RPGRIP1L: variants seen among roughly 807,000 people sequenced by gnomAD.
The protein encoded by RPGRIP1L is RPGRIP1 like, also known as protein fantom.
Under a neutral mutation model 160.4 loss-of-function variants are expected in RPGRIP1L, and 131 were observed. The observed-to-expected ratio is 0.82, with a 90% CI of 0.71 to 0.94. The LOEUF (loss-of-function observed/expected upper bound fraction) is 0.94, where lower values mean the gene tolerates loss of function less well. RPGRIP1L is among the 40% of genes least tolerant of loss of function. The pLI, the probability that RPGRIP1L is intolerant of heterozygous loss-of-function variation, is 0.00. For missense variants in RPGRIP1L, 1,522 were observed against 1,535.8 expected (o/e 0.99, Z 0.15); for synonymous variants, 510 against 515.8 (o/e 0.99, Z 0.15).
intron 19 of RPGRIP1L, among the ~76,000 whole-genome samples, chr16:53,640,396 G>A (rs377639112): frequency 3.3e-5 from 5 of 152,172 alleles, no homozygotes; most frequent in Admixed American, 6.6e-5. Flanking sequence ...AAGTGTCAGC[G>A]TATAGATGCT....
chr16:53,641,194 A>T (rs770896100), intron 18 of RPGRIP1L, 78 bp from the exon 19 acceptor site: 68 of 1,442,654 alleles, frequency 4.7e-5, no homozygotes, highest in South Asian at 1.4e-4. Flanking sequence ...TATTATTATT[A>T]TTTTTTTTTG....
At chr16:53,695,050 C>A in intron 3 of RPGRIP1L, 1 of 383,802 alleles carries the variant, frequency 2.6e-6, no homozygotes, top group Non-Finnish European at 4.7e-6. Flanking sequence ...TAGCTCAGTC[C>A]TTTTCCCATT....
chr16:53,677,141 T>A (rs1355488210), intron 6 of RPGRIP1L, among the ~76,000 whole-genome samples: 1 of 152,070 alleles, frequency 6.6e-6, no homozygotes, highest in Non-Finnish European at 1.5e-5. Flanking sequence ...TTCCTGAATA[T>A]TTTCCTAAAC....
At chr16:53,702,235 G>T (rs908725508) in intron 1 of RPGRIP1L, among the ~76,000 whole-genome samples, 2 of 152,192 alleles carry the variant, frequency 1.3e-5, no homozygotes, top group South Asian at 4.1e-4. Flanking sequence ...CTGAGACACA[G>T]ATTAGTTAAC....
intron 10 of RPGRIP1L, among the ~76,000 whole-genome samples, chr16:53,663,992 T>C (rs1163501993): frequency 6.6e-6 from 1 of 152,180 alleles, no homozygotes; most frequent in Non-Finnish European, 1.5e-5. Flanking sequence ...ACGTAACTGT[T>C]TTTTAGTGAG....
At chr16:53,653,280 G>C (rs1042498726) in intron 14 of RPGRIP1L, 1 of 972,318 alleles carries the variant, frequency 1.0e-6, no homozygotes, top group African/African-American at 1.8e-5. Flanking sequence ...GAACAGCTGA[G>C]ATAACTACCT....
At chr16:53,668,395 A>G (rs993544856) in intron 9 of RPGRIP1L, among the ~76,000 whole-genome samples, 2 of 152,158 alleles carry the variant, frequency 1.3e-5, no homozygotes, top group African/African-American at 4.8e-5. Flanking sequence ...TATCATCTTA[A>G]AAACTAGATG....
At chr16:53,692,942 T>A (rs1010563767) in intron 3 of RPGRIP1L, among the ~76,000 whole-genome samples, 4 of 152,238 alleles carry the variant, frequency 2.6e-5, no homozygotes, top group African/African-American at 9.6e-5. Context: ...ACACTTGTGT[T>A]TAATGGTAAA....
At chr16:53,662,971 T>C (rs1403139304) in intron 10 of RPGRIP1L, among the ~76,000 whole-genome samples, 1 of 152,078 alleles carries the variant, frequency 6.6e-6, no homozygotes, top group Non-Finnish European at 1.5e-5. Context: ...ACAGCCATTA[T>C]AAATGATTGT....
rs746337296 is a variant in RPGRIP1L at position 53,658,837 on chromosome 16, A to G, written c.1285T>C (p.Leu429=). 1.2e-6 allele frequency: 2 copies of G among 1,608,434 alleles called. No homozygotes were observed. The highest frequency in any genetic ancestry group is 2.2e-5 in the South Asian group (2 of 90,376). Residue 429 remains leucine (L), a synonymous_variant, in exon 11 of 27, where the codon TTA becomes CTA. Transcript: ENST00000647211. The part of the protein sequence containing the change: ...KLVQENRELQ[L]QYLEQKQQLD... ...TGTTGCTTTTGTTCCAGATACTGTA[A>G]CTGTAGTTCTCTATTCTCTTGAACG...
chr16:53,634,694 C>T (rs898249691), intron 22 of RPGRIP1L, among the ~76,000 whole-genome samples: 1 of 152,188 alleles, frequency 6.6e-6, no homozygotes, highest in African/African-American at 2.4e-5. Context: ...TCTACACATG[C>T]TCTAGCTCCC....
rs1965972532 is a variant in RPGRIP1L, at chr16:53,638,367, C to T, written c.3003G>A (p.Glu1001=). 1.9e-6 allele frequency: 3 copies of T among 1,600,254 alleles called. No individual in the cohort carries two copies. The highest frequency in any genetic ancestry group is 2.6e-6 in the Non-Finnish European group (3 of 1,168,138). Reference sequence around the variant, plus strand: ...TTTCTATTTCTGGTATATGCTCTACCTCTGGTGAAATTTCCTTCCTATCTT... The same window carrying T: ...TTTCTATTTCTGGTATATGCTCTACTTCTGGTGAAATTTCCTTCCTATCTT... ...PPEDRKEISP[E]VEHIPEIEIN... Residue 1001 remains glutamate (E), a synonymous_variant, in exon 20 of 27, where the codon GAG becomes GAA. Transcript: ENST00000647211.
intron 6 of RPGRIP1L, among the ~76,000 whole-genome samples, chr16:53,675,854 T>C (rs181776415): frequency 1.2e-4 from 19 of 152,314 alleles, no homozygotes; most frequent in Admixed American, 7.2e-4. Flanking sequence ...AGGTTAATCA[T>C]AGATCTAAAT....
chr16:53,686,104 T>C (rs62048361), intron 6 of RPGRIP1L, among the ~76,000 whole-genome samples: 7,663 of 152,286 alleles, frequency 0.05, 310 homozygotes, highest in African/African-American at 0.11. Context: ...GTTGAGTTCT[T>C]GTCACCCATA....
chr16:53,648,839 CA>C, intron 16 of RPGRIP1L, 124 bp downstream of exon 16: 1 of 888,294 alleles, frequency 1.1e-6, no homozygotes, highest in African/African-American at 1.7e-5. Context: ...ATGATTACTT[CA>C]AAATAAAAGT....
At chr16:53,679,444 G>A (rs1458016181) in intron 6 of RPGRIP1L, among the ~76,000 whole-genome samples, 2 of 151,118 alleles carry the variant, frequency 1.3e-5, no homozygotes, top group Non-Finnish European at 2.9e-5. Context: ...CTCTGTCACC[G>A]ACGATGGAGT....
intron 24 of RPGRIP1L, among the ~76,000 whole-genome samples, chr16:53,612,410 C>G (rs896222226): frequency 6.6e-6 from 1 of 151,308 alleles, no homozygotes; most frequent in African/African-American, 2.4e-5. Flanking sequence ...GTCATGCTAA[C>G]AGATCACTGG....
intron 9 of RPGRIP1L, among the ~76,000 whole-genome samples, chr16:53,666,604 A>ATATG (rs1567858382): frequency 2.7e-5 from 4 of 145,494 alleles, no homozygotes; most frequent in South Asian, 2.1e-4. Flanking sequence ...ATATATATAT[A>ATATG]TATGTATGTA....
In RPGRIP1L at chr16:53,700,659, AAG is replaced by A. The variant is rs755932386; in HGVS notation, c.63_64del (p.Phe22TrpfsTer26). 1.2e-6 allele frequency: 2 copies of A among 1,612,958 alleles called. No homozygotes were observed. Among genetic ancestry groups the A allele is most frequent in the African/African-American group, 2.7e-5 (2 of 74,920 alleles). On this transcript the variant is annotated frameshift_variant, in exon 2 of 27. Coordinates refer to ENST00000647211, the MANE Select transcript of RPGRIP1L (RefSeq NM_015272.5). LOFTEE classifies it high-confidence loss of function. ...CATACCTTGTAACCCTCCCATTCCAAAGAGGTTTAGACCTGTATCTTTCACAG... is the reference window on the plus strand; with the variant it reads ...CATACCTTGTAACCCTCCCATTCCAAAGGTTTAGACCTGTATCTTTCACAG...
Sources: allele counts gnomAD v4.1 joint callset (sites outside exome capture counted in the v4.1 genomes callset), GRCh38; gene constraint gnomAD v4.1.1; transcripts MANE v1.5; gene names NCBI Gene and HGNC (gene_info 2026-07-23, HGNC 2026-07-21).